Variants in GPSM1 observed in about 807,000 individuals in gnomAD.
GPSM1 encodes G protein-signaling modulator 1.
Under a neutral mutation model 70.5 loss-of-function variants are expected in GPSM1, and 48 were observed. That is an observed-to-expected ratio of 0.68 (90% CI 0.54 to 0.87). The LOEUF (loss-of-function observed/expected upper bound fraction) is 0.87. GPSM1 is among the 40% of genes least tolerant of loss of function. The pLI, the probability that GPSM1 is intolerant of heterozygous loss-of-function variation, is 0.00. For synonymous variants in GPSM1, 416 were observed against 430.1 expected, an observed-to-expected ratio of 0.97 and a Z score of 0.41; for missense variants, 981 against 972.6, an observed-to-expected ratio of 1.01 and a Z score of -0.11.
At chr9:136,357,346 G>A (rs1252034887) in intron 13 of GPSM1, among the ~76,000 whole-genome samples, 3 of 152,182 alleles carry the variant, frequency 2.0e-5, no homozygotes, top group Admixed American at 6.5e-5. Context: ...AGGAAACCTC[G>A]GCCCGGGGCC....
In GPSM1 at chr9:136,336,117, G is replaced by A. The variant is rs782325384; in HGVS notation, c.426+16G>A. The A allele has an allele frequency of 1.2e-4, 194 of 1,607,176 alleles. No homozygotes were observed. The highest frequency in any genetic ancestry group is 1.5e-4 in the Non-Finnish European group (182 of 1,179,264). On this transcript the variant is annotated intron_variant, in intron 3 of 13. Coordinates refer to ENST00000440944, the MANE Select transcript of GPSM1 (RefSeq NM_001145638.3). ...GGGAGACAAGGTGGGGGCTTGGTCC[G>A]GGGCTGGGTGTCTCCCACCCCTGCA... is the stretch of plus-strand genomic sequence containing the variant.
At position 136,327,702 on chromosome 9, in the gene GPSM1, G is replaced by A. The variant is rs1290315631; in HGVS notation, c.7G>A (p.Gly3Ser). Reference sequence around the variant, plus strand: ...GCTCCCGCGTCCCCGACCCATGGCGGGCCCGGCCCCGCCCGCGGCCGACGA... The same window carrying A: ...GCTCCCGCGTCCCCGACCCATGGCGAGCCCGGCCCCGCCCGCGGCCGACGA... MA[G>S]PAPPAADELP... Residue 3 changes from glycine (G) to serine (S), a missense_variant, in exon 1 of 14, where the codon GGC becomes AGC. Coordinates refer to ENST00000440944, the MANE Select transcript of GPSM1 (RefSeq NM_001145638.3). The A allele has an allele frequency of 8.7e-7, 1 of 1,147,008 alleles. No homozygotes were observed. The highest frequency in any genetic ancestry group is 1.1e-6 in the Non-Finnish European group (1 of 935,000). 71.1% of individuals were successfully genotyped at this position (1,147,008 alleles called of 1,614,324 possible).
In GPSM1 at chr9:136,358,688, C is replaced by T; in HGVS notation, c.*468C>T. 8 of 211,322 alleles carry T rather than the reference C, an allele frequency of 3.8e-5. No homozygotes were observed. Among genetic ancestry groups the T allele is most frequent in the East Asian group, 1.7e-4 (1 of 5,766 alleles). 13.1% of individuals were successfully genotyped at this position (211,322 alleles called of 1,614,324 possible). A position where few individuals can be genotyped will look rare whatever the true frequency, so the allele number is the denominator to read the frequency against. ...GCCGTGTGACAGGCATGCTCCACCCCTCCAGCTTCGTCCTGGGGCAGGGCT... is the reference window on the plus strand; with the variant it reads ...GCCGTGTGACAGGCATGCTCCACCCTTCCAGCTTCGTCCTGGGGCAGGGCT... On this transcript the variant is annotated 3_prime_UTR_variant, in exon 14 of 14. Coordinates refer to ENST00000440944, the MANE Select transcript of GPSM1 (RefSeq NM_001145638.3).
chr9:136,338,520 C>T (rs782632701), intron 6 of GPSM1, 35 bp from the exon 7 acceptor site: 4 of 1,586,978 alleles, frequency 2.5e-6, no homozygotes, highest in African/African-American at 1.3e-5. Context: ...CCCTGGAGCC[C>T]TCCTCCTGGG....
chr9:136,328,602 T>C (rs1832033399), intron 1 of GPSM1, among the ~76,000 whole-genome samples: 1 of 152,128 alleles, frequency 6.6e-6, no homozygotes, highest in African/African-American at 2.4e-5. Context: ...GCGCCTAGCC[T>C]GGCCCCCAAG....
chr9:136,340,739 A>G lies in GPSM1; in HGVS notation c.1084-131A>G. ...TGAGTCCTGGTTCCCTCAGAGGCCC[A>G]GGGGTCAGTGACCAGTTCAGGTCAC... On this transcript the variant is annotated intron_variant, in intron 8 of 13. Transcript: ENST00000440944. The surrounding 1 kb of genome is among the most constrained non-coding windows in gnomAD (Gnocchi z 7.3). The G allele has an allele frequency of 7.7e-7, 1 of 1,293,826 alleles. No homozygotes were observed. The allele number at this position is 1,293,826 out of a possible 1,614,324, so 80.1% of individuals were successfully genotyped here. A position where few individuals can be genotyped will look rare whatever the true frequency, so the allele number is the denominator to read the frequency against.
intron 1 of GPSM1, among the ~76,000 whole-genome samples, chr9:136,332,423 G>A (rs1389564848): frequency 5.3e-5 from 8 of 152,260 alleles, no homozygotes; most frequent in Admixed American, 1.3e-4. Flanking sequence ...GTCTCCGGCT[G>A]GAAGGGAGGC....
intron 6 of GPSM1, 23 bp from the exon 7 acceptor site, chr9:136,338,532 G>A (rs758967197): frequency 1.9e-6 from 3 of 1,598,218 alleles, no homozygotes; most frequent in South Asian, 1.1e-5. Context: ...CCTCCTGGGG[G>A]CTGACCCTGC....
At position 136,352,176 on chromosome 9, in the gene GPSM1, G is replaced by T; in HGVS notation, c.1455+2413G>T. ...TTGCTGTTGGTGACACCAATGCTGCGCCGTTGCTGTTGGTGACACCGATGC... is the reference window on the plus strand; with the variant it reads ...TTGCTGTTGGTGACACCAATGCTGCTCCGTTGCTGTTGGTGACACCGATGC... On this transcript the variant is annotated intron_variant, in intron 11 of 13. Coordinates refer to ENST00000440944, the MANE Select transcript of GPSM1 (RefSeq NM_001145638.3). 1.6e-5 allele frequency among the ~76,000 whole-genome samples: 2 copies of T among 126,422 alleles called. 1 individual carries two copies. Among genetic ancestry groups the T allele is most frequent in the Non-Finnish European group, 3.4e-5 (2 of 58,918 alleles). The allele number at this position is 126,422 out of a possible 152,430, so 82.9% of individuals were successfully genotyped here. A position where few individuals can be genotyped will look rare whatever the true frequency, so the allele number is the denominator to read the frequency against.
intron 11 of GPSM1, chr9:136,354,879 G>A: frequency 9.9e-7 from 1 of 1,014,772 alleles, no homozygotes; most frequent in Non-Finnish European, 1.2e-6. Context: ...GGGACAGGAG[G>A]CACGGGAGGC....
intron 11 of GPSM1, chr9:136,352,930 T>TGAGCCTGTGTGTGTGC (rs1832711493): frequency 5.7e-6 from 1 of 175,950 alleles, no homozygotes; most frequent in African/African-American, 2.4e-5. Context: ...TGCGTGTGTG[T>TGAGCCTGTGTGTGTGC]GAGCCTGTGT....
intron 6 of GPSM1, 99 bp from the exon 7 acceptor site, chr9:136,338,456 G>A (rs117586655): frequency 0.031 from 36,489 of 1,185,088 alleles, 721 homozygotes; most frequent in Non-Finnish European, 0.033. Context: ...GTGGGATTCC[G>A]GGGCAGGGGA....
rs749151256 is a variant in GPSM1, at chr9:136,358,532, G to A, written c.*312G>A. On this transcript the variant is annotated 3_prime_UTR_variant, in exon 14 of 14. Transcript: ENST00000440944. ...GCATCCTCTCCCCCAAGCCCTTCCC[G>A]TTCTGCCCTGCCCTGCCAAATGTGA... 5.8e-5 allele frequency: 29 copies of A among 498,406 alleles called. 1 individual carries two copies. The highest frequency in any genetic ancestry group is 5.2e-4 in the Middle Eastern group (1 of 1,922). The allele number at this position is 498,406 out of a possible 1,614,324, so 30.9% of individuals were successfully genotyped here.
rs1468151495 is a variant in GPSM1 at position 136,359,340 on chromosome 9, C to G, written c.*1120C>G. 6.6e-6 allele frequency: 1 copy of G among 152,180 alleles called. No homozygotes were observed. The highest frequency in any genetic ancestry group is 1.9e-4 in the East Asian group (1 of 5,180). 9.4% of individuals were successfully genotyped at this position (152,180 alleles called of 1,614,324 possible). On this transcript the variant is annotated 3_prime_UTR_variant, in exon 14 of 14. Coordinates refer to ENST00000440944, the MANE Select transcript of GPSM1 (RefSeq NM_001145638.3). Reference sequence around the variant, plus strand: ...GGCAGTTCCATCTAGGAGGGTGCCTCTAGGCCCCACTCTCAGGCTAGGATG... The same window carrying G: ...GGCAGTTCCATCTAGGAGGGTGCCTGTAGGCCCCACTCTCAGGCTAGGATG...
In GPSM1 at chr9:136,358,755, A is replaced by C. The variant is rs1344561388; in HGVS notation, c.*535A>C. On this transcript the variant is annotated 3_prime_UTR_variant, in exon 14 of 14. Coordinates refer to ENST00000440944, the MANE Select transcript of GPSM1 (RefSeq NM_001145638.3). Reference sequence around the variant, plus strand: ...CCCCACTCCCCGGCCAGAGGTCAGCAACCACAGAAGGCCCCCCAGACCACG... The same window carrying C: ...CCCCACTCCCCGGCCAGAGGTCAGCCACCACAGAAGGCCCCCCAGACCACG... The C allele has an allele frequency of 5.7e-6, 1 of 174,610 alleles. No homozygotes were observed. The highest frequency in any genetic ancestry group is 1.2e-5 in the Non-Finnish European group (1 of 83,950). 10.8% of individuals were successfully genotyped at this position (174,610 alleles called of 1,614,324 possible).
At chr9:136,330,949 C>T (rs899041793) in intron 1 of GPSM1, among the ~76,000 whole-genome samples, 1 of 152,276 alleles carries the variant, frequency 6.6e-6, no homozygotes, top group East Asian at 1.9e-4. Flanking sequence ...GAGTAGGACC[C>T]CTGAGCCCAC....
Position 136,357,973 on chromosome 9 carries a change from G to T in GPSM1, c.1822-41G>T, listed in dbSNP as rs549996819. ...TGCTGACCAGCCCCGGACCACTGGG[G>T]CTGGGGGGGTGAGGCCGCCAACTGC... is the stretch of plus-strand genomic sequence containing the variant. On this transcript the variant is annotated intron_variant, in intron 13 of 13. Transcript: ENST00000440944. 23 of 1,531,126 alleles carry T rather than the reference G, an allele frequency of 1.5e-5. No individual in the cohort carries two copies. In the Middle Eastern group the frequency reaches 1.2e-3, roughly 78 times the overall value. 94.8% of individuals were successfully genotyped at this position (1,531,126 alleles called of 1,614,324 possible).
chr9:136,339,924 C>A, intron 8 of GPSM1, 109 bp downstream of exon 8: 1 of 697,362 alleles, frequency 1.4e-6, no homozygotes. Flanking sequence ...CCCCCTCATC[C>A]TTTCAGGGCC....
In GPSM1 at chr9:136,334,437, C is replaced by T; in HGVS notation, c.69-10C>T. On this transcript the variant is annotated splice_polypyrimidine_tract_variant and intron_variant, in intron 1 of 13. Coordinates refer to ENST00000440944, the MANE Select transcript of GPSM1 (RefSeq NM_001145638.3). ...AGGGCTGGGCCATGACGCCAAGTTC[C>T]TCTGCACAGGATGGAGGCGTCCTGC... 1.2e-6 allele frequency: 2 copies of T among 1,607,960 alleles called. No individual in the cohort carries two copies. Among genetic ancestry groups the T allele is most frequent in the African/African-American group, 1.3e-5 (1 of 74,958 alleles).
Sources: gnomAD v4.1 joint callset for allele counts (sites outside exome capture counted in the v4.1 genomes callset) on GRCh38, gnomAD v4.1.1 for gene constraint, Gnocchi (gnomAD v3.1) non-coding constraint, MANE v1.5 for transcripts, NCBI Gene and HGNC (gene_info 2026-07-23, HGNC 2026-07-21) for gene names.